The following RAB3IL1 variants were observed in gnomAD, a reference collection of about 807,000 sequenced individuals.
RAB3IL1 encodes the protein guanine nucleotide exchange factor for Rab-3A.
Under a neutral mutation model 49.2 loss-of-function variants are expected in RAB3IL1, and 37 were observed. That is an observed-to-expected ratio of 0.75 (90% confidence interval 0.58 to 0.99). The LOEUF is 0.99. Ranked by LOEUF, RAB3IL1 falls within the 50% of genes least tolerant of loss-of-function variation. The pLI is 0.00. For missense variants in RAB3IL1, 484 were observed against 513.0 expected (o/e 0.94, Z 0.55); for synonymous variants, 193 against 213.9 (o/e 0.90, Z 0.85).
At chr11:61,925,882 A>G in the RAB3IL1 span, among the ~76,000 whole-genome samples, 1 of 152,218 alleles carries the variant, frequency 6.6e-6, no homozygotes, top group Admixed American at 6.5e-5. Flanking sequence ...CTCCAAGGAG[A>G]TGGTTAAACA....
At position 61,908,264 on chromosome 11, in the gene RAB3IL1, A is replaced by T; in HGVS notation, c.54T>A (p.Ala18=). ...CCGTGCTCTTCCAGGGGACCGGGAC[A>T]GCTGCAAGGGGCGGCGGGAGGCCCT... ...PDQGLPPPLA[A]VPVPWKSTDP... is the part of the protein sequence containing the mutation. The change falls in exon 2 of 10, where the codon GCT becomes GCA. Residue 18 remains alanine, a synonymous_variant. Transcript: ENST00000394836. 1 of 1,517,334 alleles carries T rather than the reference A, an allele frequency of 6.6e-7. No individual in the cohort carries two copies. The highest frequency in any genetic ancestry group is 8.8e-7 in the Non-Finnish European group (1 of 1,133,638). 94.0% of individuals were successfully genotyped at this position (1,517,334 alleles called of 1,614,324 possible).
Position 61,902,382 on chromosome 11 carries a change from G to C in RAB3IL1, c.999+60C>G, listed in dbSNP as rs1414263828. ...TTCATACTCCCAGGCCCAGGGCCCA[G>C]TGTCCCAGCACCCAGGTGGCCCCAA... On this transcript the variant is annotated intron_variant, in intron 8 of 9. Transcript: ENST00000394836. 3 of 1,423,298 alleles carry C rather than the reference G, an allele frequency of 2.1e-6. No homozygotes were observed. In the African/African-American group the frequency reaches 4.2e-5, roughly 20 times the overall value. The allele number at this position is 1,423,298 out of a possible 1,614,324, so 88.2% of individuals were successfully genotyped here.
intron 1 of RAB3IL1, among the ~76,000 whole-genome samples, chr11:61,913,602 G>C (rs1457686374): frequency 1.3e-5 from 2 of 152,166 alleles, no homozygotes; most frequent in Admixed American, 6.5e-5. Flanking sequence ...GCCTAGGAGG[G>C]GGCGCATCTC....
chr11:61,923,694 A>T (rs1273985752), upstream of RAB3IL1, among the ~76,000 whole-genome samples: 1 of 152,154 alleles, frequency 6.6e-6, no homozygotes, highest in East Asian at 1.9e-4. Flanking sequence ...CCCCATTTCC[A>T]TGAAAACAAC....
chr11:61,900,433 G>C (rs546710760), intron 8 of RAB3IL1, among the ~76,000 whole-genome samples: 1 of 152,232 alleles, frequency 6.6e-6, no homozygotes, highest in Non-Finnish European at 1.5e-5. Flanking sequence ...GAGAAGCTTC[G>C]GGGAGGGGCG....
At chr11:61,899,422 G>A (rs767124059) in intron 8 of RAB3IL1, 42 bp from the exon 9 acceptor site, 5 of 1,579,412 alleles carry the variant, frequency 3.2e-6, no homozygotes, top group Non-Finnish European at 3.4e-6. Context: ...CCAGCCCCAC[G>A]CTGGGGGTCC....
chr11:61,910,314 A>G (rs1184747367), intron 1 of RAB3IL1, among the ~76,000 whole-genome samples: 1 of 152,130 alleles, frequency 6.6e-6, no homozygotes, highest in African/African-American at 2.4e-5. Context: ...TGCAGTAGGG[A>G]AATCTGACCC....
chr11:61,909,276 C>G (rs2136048220), intron 1 of RAB3IL1, among the ~76,000 whole-genome samples: 1 of 152,190 alleles, frequency 6.6e-6, no homozygotes, highest in African/African-American at 2.4e-5. Context: ...AGGGGGAAGG[C>G]AAGGCCAAGG....
chr11:61,932,372 G>C, the RAB3IL1 span, among the ~76,000 whole-genome samples: 1 of 152,164 alleles, frequency 6.6e-6, no homozygotes, highest in Non-Finnish European at 1.5e-5. Flanking sequence ...TGGACATGGT[G>C]GCTCACATCT....
At chr11:61,925,094 A>C (rs1939974502), upstream of RAB3IL1, among the ~76,000 whole-genome samples, 1 of 152,224 alleles carries the variant, frequency 6.6e-6, no homozygotes, top group Non-Finnish European at 1.5e-5. Flanking sequence ...TCATCCTTGC[A>C]GCGGCCCGAC....
chr11:61,935,918 A>C, the RAB3IL1 span, among the ~76,000 whole-genome samples: 4 of 152,076 alleles, frequency 2.6e-5, no homozygotes, highest in South Asian at 6.2e-4. Flanking sequence ...AAAAGAAAAC[A>C]AATAGAAATC....
At chr11:61,917,947 G>C (rs1939782323), upstream of RAB3IL1, among the ~76,000 whole-genome samples, 1 of 152,122 alleles carries the variant, frequency 6.6e-6, no homozygotes, top group African/African-American at 2.4e-5. Context: ...GCCTGTCCCT[G>C]TGCAACATCC....
chr11:61,901,201 C>T (rs939965349), intron 8 of RAB3IL1, among the ~76,000 whole-genome samples: 1 of 152,190 alleles, frequency 6.6e-6, no homozygotes, highest in Non-Finnish European at 1.5e-5. Context: ...TGAGATGGTT[C>T]CTCAAGCTGT....
upstream of RAB3IL1, among the ~76,000 whole-genome samples, chr11:61,923,793 C>A (rs1565371712): frequency 6.6e-6 from 1 of 152,202 alleles, no homozygotes; most frequent in African/African-American, 2.4e-5. Flanking sequence ...GAATGTTTTG[C>A]AGCCAAAGTC....
chr11:61,944,535 AC>A, the RAB3IL1 span, among the ~76,000 whole-genome samples: 55 of 152,256 alleles, frequency 3.6e-4, no homozygotes, highest in African/African-American at 1.3e-3. Flanking sequence ...GAAGGAATGG[AC>A]CAATTAAGCA....
At chr11:61,932,095 C>CA in the RAB3IL1 span, among the ~76,000 whole-genome samples, 5 of 151,698 alleles carry the variant, frequency 3.3e-5, no homozygotes, top group Admixed American at 2.6e-4. Context: ...ACTAAAAATA[C>CA]AAAAAATTAG....
intron 7 of RAB3IL1, among the ~76,000 whole-genome samples, chr11:61,904,137 T>G (rs1939055301): frequency 6.6e-6 from 1 of 151,986 alleles, no homozygotes; most frequent in African/African-American, 2.4e-5. Context: ...GGCTCTTGGC[T>G]GCCAAGGTGA....
At chr11:61,943,227 A>G in the RAB3IL1 span, among the ~76,000 whole-genome samples, 1 of 152,214 alleles carries the variant, frequency 6.6e-6, no homozygotes, top group African/African-American at 2.4e-5. Flanking sequence ...ATGCCAAGAC[A>G]AGTCAATAGG....
chr11:61,930,638 C>T, the RAB3IL1 span, among the ~76,000 whole-genome samples: 48 of 152,148 alleles, frequency 3.2e-4, no homozygotes, highest in African/African-American at 9.6e-4. Flanking sequence ...ATTAGCCAGG[C>T]GTGGTGGTGC....
Sources: gnomAD v4.1 joint callset for allele counts (sites outside exome capture counted in the v4.1 genomes callset) on GRCh38, gnomAD v4.1.1 for gene constraint, MANE v1.5 for transcripts, NCBI Gene and HGNC (gene_info 2026-07-23, HGNC 2026-07-21) for gene names.